The following ADAMTS16 variants were observed in gnomAD, a reference collection of about 807,000 sequenced individuals.
ADAMTS16 encodes A disintegrin and metalloproteinase with thrombospondin motifs 16.
In ADAMTS16, 94 loss-of-function variants were observed where a neutral mutation model predicts 145.8. The observed-to-expected ratio is 0.64, with a 90% CI of 0.55 to 0.77. The LOEUF (loss-of-function observed/expected upper bound fraction) is 0.77. Among genes scored for constraint, ADAMTS16 ranks in the 30% least tolerant of loss-of-function variants. The pLI, the probability that ADAMTS16 is intolerant of heterozygous loss-of-function variation, is 0.00. For synonymous variants in ADAMTS16, 659 were observed against 604.3 expected (o/e 1.09, Z -1.33); for missense variants, 1,585 against 1,591.5 (o/e 1.00, Z 0.07).
At chr5:5,291,146 G>A (rs16875270) in intron 18 of ADAMTS16, among the ~76,000 whole-genome samples, 13,617 of 151,600 alleles carry the variant, frequency 0.09, 661 homozygotes, top group Middle Eastern at 0.15. Flanking sequence ...TACCAATGCC[G>A]GAAAATCACT....
chr5:5,292,759 A>C (rs2126492311), intron 18 of ADAMTS16, among the ~76,000 whole-genome samples: 1 of 151,936 alleles, frequency 6.6e-6, no homozygotes, highest in South Asian at 2.1e-4. Flanking sequence ...CTGTCACCAT[A>C]ACCTTTCACT....
At chr5:5,177,019 C>G (rs1475582706) in intron 3 of ADAMTS16, among the ~76,000 whole-genome samples, 1 of 152,222 alleles carries the variant, frequency 6.6e-6, no homozygotes, top group Non-Finnish European at 1.5e-5. Context: ...CCAGATGACT[C>G]CTTCCCAGTC....
intron 17 of ADAMTS16, among the ~76,000 whole-genome samples, chr5:5,261,603 C>T (rs1257491666): frequency 6.6e-6 from 1 of 151,442 alleles, no homozygotes; most frequent in African/African-American, 2.4e-5. Flanking sequence ...TCTTCTGCCT[C>T]AGCCTCCTGA....
intron 12 of ADAMTS16, 74 bp downstream of exon 12, chr5:5,232,590 T>A: frequency 1.4e-6 from 2 of 1,429,524 alleles, no homozygotes. Context: ...AGTATGCCTG[T>A]GTCTCAGCTC....
intron 3 of ADAMTS16, among the ~76,000 whole-genome samples, chr5:5,179,567 C>A (rs551550315): frequency 1.3e-5 from 2 of 152,268 alleles, no homozygotes; most frequent in South Asian, 4.2e-4. Flanking sequence ...TGGCTTTAAC[C>A]ATTATTTAAT....
chr5:5,177,866 A>C (rs992376947), intron 3 of ADAMTS16, among the ~76,000 whole-genome samples: 11 of 150,742 alleles, frequency 7.3e-5, no homozygotes, highest in African/African-American at 2.7e-4. Flanking sequence ...GGCTCTCATG[A>C]ATAGGGCGCA....
At chr5:5,297,448 A>G (rs1739589781) in intron 18 of ADAMTS16, among the ~76,000 whole-genome samples, 4 of 152,198 alleles carry the variant, frequency 2.6e-5, no homozygotes, top group Admixed American at 2.6e-4. Context: ...GGAATGCAAA[A>G]GCCCCCAGTG....
chr5:5,209,265 A>G lies in ADAMTS16; in HGVS notation c.1605+19A>G, dbSNP rs1245792340. 2.5e-6 allele frequency: 4 copies of G among 1,612,414 alleles called. No homozygotes were observed. The highest frequency in any genetic ancestry group is 3.4e-6 in the Non-Finnish European group (4 of 1,179,094). On this transcript the variant is annotated intron_variant, in intron 10 of 22. Transcript: ENST00000274181. Reference sequence around the variant, plus strand: ...TAAAAAGGCAAGTGATTATTGGCACATGCTCAATGCAACATGATTCATAAG... The same window carrying G: ...TAAAAAGGCAAGTGATTATTGGCACGTGCTCAATGCAACATGATTCATAAG...
At chr5:5,212,666 T>C (rs1736309019) in intron 10 of ADAMTS16, among the ~76,000 whole-genome samples, 1 of 152,198 alleles carries the variant, frequency 6.6e-6, no homozygotes, top group Admixed American at 6.5e-5. Context: ...TTTCAATTTA[T>C]GTGTGTGTTT....
At position 5,303,273 on chromosome 5, in the gene ADAMTS16, C is replaced by A; in HGVS notation, c.2795C>A (p.Ser932Tyr). 6.4e-7 allele frequency: 1 copy of A among 1,565,576 alleles called. No homozygotes were observed. Among genetic ancestry groups the A allele is most frequent in the South Asian group, 1.2e-5 (1 of 83,800 alleles). ...GTCTCTTTGTCCCTGCCCAGCTGGT[C>A]CGTGGGGAACTGGAGTGCCTGCAGT... ...CKVSACPPSW[S>Y]VGNWSACSRT... The change falls in exon 19 of 23, where the codon TCC becomes TAC. Residue 932 changes from serine (S) to tyrosine (Y), a missense_variant. By Grantham distance (144) the Ser-to-Tyr change is moderately radical. Transcript: ENST00000274181.
At chr5:5,233,228 A>G (rs762251019) in intron 12 of ADAMTS16, among the ~76,000 whole-genome samples, 2 of 152,214 alleles carry the variant, frequency 1.3e-5, no homozygotes, top group Non-Finnish European at 2.9e-5. Context: ...CATCAAATAT[A>G]TTTACCTTCA....
chr5:5,179,127 A>T (rs1234776026), intron 3 of ADAMTS16, among the ~76,000 whole-genome samples: 1 of 149,928 alleles, frequency 6.7e-6, no homozygotes, highest in African/African-American at 2.5e-5. Flanking sequence ...CGTGACAAGT[A>T]GCTGTTCTTA....
chr5:5,210,737 G>A (rs1736252627), intron 10 of ADAMTS16, among the ~76,000 whole-genome samples: 1 of 152,180 alleles, frequency 6.6e-6, no homozygotes, highest in African/African-American at 2.4e-5. Flanking sequence ...AACTGAGGAG[G>A]AAGTTCATCT....
chr5:5,214,555 A>G (rs910531737), intron 10 of ADAMTS16, among the ~76,000 whole-genome samples: 4 of 152,090 alleles, frequency 2.6e-5, no homozygotes, highest in Non-Finnish European at 5.9e-5. Flanking sequence ...GGTGCATGCC[A>G]CCATGCCTGG....
At chr5:5,250,736 T>TGTGTGC (rs764397980) in intron 17 of ADAMTS16, among the ~76,000 whole-genome samples, 5 of 141,812 alleles carry the variant, frequency 3.5e-5, no homozygotes, top group South Asian at 4.5e-4. Context: ...TGTGTGTGTG[T>TGTGTGC]GCGCGCACTC....
intron 3 of ADAMTS16, among the ~76,000 whole-genome samples, chr5:5,181,435 A>G (rs1196535187): frequency 2.0e-5 from 3 of 152,320 alleles, no homozygotes; most frequent in Non-Finnish European, 4.4e-5. Context: ...TTTGCCCTAC[A>G]GACATTTTTG....
intron 10 of ADAMTS16, among the ~76,000 whole-genome samples, chr5:5,215,252 A>G (rs1302234542): frequency 6.6e-6 from 1 of 152,240 alleles, no homozygotes; most frequent in Non-Finnish European, 1.5e-5. Context: ...ATGTAGAGTG[A>G]TAATCAGGAT....
intron 3 of ADAMTS16, among the ~76,000 whole-genome samples, chr5:5,170,641 G>C (rs1472115898): frequency 6.6e-6 from 1 of 152,054 alleles, no homozygotes; most frequent in East Asian, 1.9e-4. Flanking sequence ...GCCCCCCAAA[G>C]TGCTGGGATT....
intron 11 of ADAMTS16, among the ~76,000 whole-genome samples, chr5:5,225,482 A>G (rs375863974): frequency 5.9e-5 from 9 of 152,170 alleles, no homozygotes; most frequent in African/African-American, 2.2e-4. Context: ...GCATGCCTGT[A>G]GTCCCAGCTG....
Sources: gnomAD v4.1 joint callset for allele counts (sites outside exome capture counted in the v4.1 genomes callset) on GRCh38, gnomAD v4.1.1 for gene constraint, MANE v1.5 for transcripts, NCBI Gene and HGNC (gene_info 2026-07-23, HGNC 2026-07-21) for gene names.